Variants in NEDD4L observed in about 807,000 individuals in gnomAD.
NEDD4L encodes the protein NEDD4 like E3 ubiquitin protein ligase.
NEDD4L carries 54 observed loss-of-function variants against 148.9 expected under a neutral mutation model. The observed-to-expected ratio is 0.36, with a 90% CI of 0.29 to 0.45. The LOEUF (loss-of-function observed/expected upper bound fraction) is 0.45. Ranked by LOEUF, NEDD4L falls within the 20% of genes least tolerant of loss-of-function variation. NEDD4L has a pLI of 1.00. For synonymous variants in NEDD4L, 433 were observed against 440.7 expected (o/e 0.98, Z 0.22); for missense variants, 856 against 1,233.8 (o/e 0.69, Z 4.59).
intron 16 of NEDD4L, among the ~76,000 whole-genome samples, chr18:58,345,739 T>TA (rs2042956507): frequency 6.6e-6 from 1 of 152,066 alleles, no homozygotes; most frequent in African/African-American, 2.4e-5. Flanking sequence ...CTCTTTTTTT[T>TA]AATTATTATT....
chr18:58,248,001 T>A (rs2047478019), intron 3 of NEDD4L, among the ~76,000 whole-genome samples: 1 of 152,248 alleles, frequency 6.6e-6, no homozygotes, highest in Non-Finnish European at 1.5e-5. Flanking sequence ...CTCTGTTGAT[T>A]TTTTTCATCT....
intron 13 of NEDD4L, chr18:58,336,061 AT>A (rs2041710710): frequency 6.5e-6 from 1 of 153,000 alleles, no homozygotes; most frequent in African/African-American, 2.4e-5. Flanking sequence ...TCCTCACACA[AT>A]GAACAAGTTT....
rs186101458 is a variant in NEDD4L at position 58,330,182 on chromosome 18, C to T, written c.814-556C>T. On this transcript the variant is annotated intron_variant, in intron 10 of 30. Coordinates refer to ENST00000400345, the MANE Select transcript of NEDD4L (RefSeq NM_001144967.3). ...TGTGTTAGGAAGATCATTTAGAATG[C>T]GGCGATTCAACTTGGAAAAGCAAAA... is the stretch of plus-strand genomic sequence containing the variant. Among the ~76,000 whole-genome samples the T allele has an allele frequency of 2.2e-4, 33 of 152,266 alleles. No individual in the cohort carries two copies. The East Asian group carries it at 2.9e-3, about 13-fold the overall frequency.
intron 5 of NEDD4L, among the ~76,000 whole-genome samples, chr18:58,306,340 TTTCTC>T (rs1474172509): frequency 2.0e-5 from 3 of 152,252 alleles, no homozygotes; most frequent in African/African-American, 7.2e-5. Context: ...TTCCATTTGT[TTTCTC>T]TTTCAAGCTC....
intron 5 of NEDD4L, among the ~76,000 whole-genome samples, chr18:58,301,081 C>T (rs2056400802): frequency 6.6e-6 from 1 of 152,128 alleles, no homozygotes; most frequent in African/African-American, 2.4e-5. Flanking sequence ...CCCTTGGGTT[C>T]CATAGTGTGT....
In NEDD4L at chr18:58,367,767, C is replaced by T. The variant is rs1463553854; in HGVS notation, c.2085C>T (p.Ile695=). ...AAAGGGACAACTACACCCTTCAGATCAACCCTAATTCAGGCCTCTGTAATG... is the reference window on the plus strand; with the variant it reads ...AAAGGGACAACTACACCCTTCAGATTAACCCTAATTCAGGCCTCTGTAATG... The part of the protein sequence containing the change: ...YSATDNYTLQ[I]NPNSGLCNED... Residue 695 remains isoleucine, a synonymous_variant, in exon 22 of 31, where the codon ATC becomes ATT. Coordinates refer to ENST00000400345, the MANE Select transcript of NEDD4L (RefSeq NM_001144967.3). The T allele has an allele frequency of 2.5e-6, 4 of 1,613,930 alleles. No individual in the cohort carries two copies. The highest frequency in any genetic ancestry group is 3.4e-6 in the Non-Finnish European group (4 of 1,179,794).
chr18:58,343,979 C>T (rs9950996), intron 16 of NEDD4L, among the ~76,000 whole-genome samples: 120,665 of 152,114 alleles, frequency 0.79, 48,130 homozygotes, highest in East Asian at 0.96. Flanking sequence ...ATGTCCCCAT[C>T]GAATTGTCTA....
At position 58,120,070 on chromosome 18, in the gene NEDD4L, C is replaced by T. The variant is rs1381347870; in HGVS notation, c.49-45718C>T. 2.0e-5 allele frequency among the ~76,000 whole-genome samples: 3 copies of T among 152,194 alleles called. No homozygotes were observed. The East Asian group carries it at 5.8e-4, about 29-fold the overall frequency. ...TCCTTTAAGGAAGAAGTCTCCTTGC[C>T]AGGATCGGCCTCTCCAGTCTCTGGA... On this transcript the variant is annotated intron_variant, in intron 1 of 30. Coordinates refer to ENST00000400345, the MANE Select transcript of NEDD4L (RefSeq NM_001144967.3).
rs1427061065 is a variant in NEDD4L, at chr18:58,341,188, A to G, written c.1257+19A>G. 1.2e-6 allele frequency: 2 copies of G among 1,610,662 alleles called. No individual in the cohort carries two copies. The highest frequency in any genetic ancestry group is 1.7e-6 in the Non-Finnish European group (2 of 1,178,664). On this transcript the variant is annotated intron_variant, in intron 14 of 30. Transcript: ENST00000400345. ...CATGCAGGTACGAAGATTGCCATCC[A>G]ACTTAAAACCGCAGGCCATAGAAGC... is the stretch of plus-strand genomic sequence containing the variant.
intron 1 of NEDD4L, among the ~76,000 whole-genome samples, chr18:58,064,994 A>G (rs1195052662): frequency 1.3e-5 from 2 of 152,220 alleles, no homozygotes; most frequent in African/African-American, 4.8e-5. Flanking sequence ...GAGCCTCTTG[A>G]GATGGCACAC....
At chr18:58,283,967 C>T (rs1003976017) in intron 5 of NEDD4L, among the ~76,000 whole-genome samples, 1 of 152,130 alleles carries the variant, frequency 6.6e-6, no homozygotes, top group Admixed American at 6.5e-5. Flanking sequence ...AAGATGAAGG[C>T]AGAGATCAGG....
intron 16 of NEDD4L, among the ~76,000 whole-genome samples, chr18:58,343,315 T>A (rs2042658309): frequency 6.6e-6 from 1 of 152,180 alleles, no homozygotes; most frequent in African/African-American, 2.4e-5. Flanking sequence ...GTATTGGTGC[T>A]GGGACTGCCT....
intron 23 of NEDD4L, among the ~76,000 whole-genome samples, chr18:58,372,844 A>AG (rs1190801249): frequency 1.5e-4 from 21 of 138,190 alleles, no homozygotes; most frequent in African/African-American, 6.1e-4. Context: ...AAAAAAAAAA[A>AG]AAAGAGAGAG....
intron 1 of NEDD4L, among the ~76,000 whole-genome samples, chr18:58,164,837 A>G (rs769767442): frequency 6.6e-6 from 1 of 152,164 alleles, no homozygotes; most frequent in Non-Finnish European, 1.5e-5. Context: ...TGCAGGCTCT[A>G]CATTGATAAC....
At chr18:58,361,393 C>CA (rs2045455735) in intron 19 of NEDD4L, among the ~76,000 whole-genome samples, 1 of 152,210 alleles carries the variant, frequency 6.6e-6, no homozygotes, top group African/African-American at 2.4e-5. Context: ...GTGATGTTCA[C>CA]ACATGCTGCT....
chr18:58,217,418 G>T (rs1321828207), intron 2 of NEDD4L, among the ~76,000 whole-genome samples: 4 of 152,108 alleles, frequency 2.6e-5, no homozygotes, highest in Non-Finnish European at 5.9e-5. Context: ...TTCTCATTTG[G>T]TTACTCACTG....
At chr18:58,140,875 C>T (rs1433075760) in intron 1 of NEDD4L, among the ~76,000 whole-genome samples, 2 of 152,134 alleles carry the variant, frequency 1.3e-5, no homozygotes, top group African/African-American at 4.8e-5. Flanking sequence ...TTATCAGAGG[C>T]CTTAGAGGGA....
At chr18:58,091,825 A>G (rs2084089952) in intron 1 of NEDD4L, among the ~76,000 whole-genome samples, 1 of 152,198 alleles carries the variant, frequency 6.6e-6, no homozygotes, top group Admixed American at 6.5e-5. Context: ...TGCACATGTA[A>G]TAGCATTATT....
rs995746241 is a variant in NEDD4L, at chr18:58,398,749, C to T, written c.*2480C>T. The T allele has an allele frequency of 1.3e-5, 2 of 152,236 alleles. No homozygotes were observed. The highest frequency in any genetic ancestry group is 4.8e-5 in the African/African-American group (2 of 41,456). The allele number at this position is 152,236 out of a possible 1,614,324, so 9.4% of individuals were successfully genotyped here. ...AGTTTCTCTCTTTGCCTAAAATGGT[C>T]ATAGATCTTGATTTCTCTGAATCGT... On this transcript the variant is annotated 3_prime_UTR_variant, in exon 31 of 31. Transcript: ENST00000400345.
Sources: allele counts gnomAD v4.1 joint callset (sites outside exome capture counted in the v4.1 genomes callset), GRCh38; gene constraint gnomAD v4.1.1; transcripts MANE v1.5; gene names NCBI Gene and HGNC (gene_info 2026-07-23, HGNC 2026-07-21).